The following AATK variants were observed in gnomAD, a reference collection of about 807,000 sequenced individuals.
The protein encoded by AATK is lemur tail kinase 1.
AATK carries 91 observed loss-of-function variants against 114.3 expected under a neutral mutation model. The observed-to-expected ratio is 0.80, with a 90% CI of 0.67 to 0.95. The LOEUF (loss-of-function observed/expected upper bound fraction) is 0.95. AATK is among the 40% of genes least tolerant of loss of function. The pLI is 0.00. For synonymous variants in AATK, 1,075 were observed against 916.5 expected (o/e 1.17, Z -3.12); for missense variants, 2,176 against 1,965.2 (o/e 1.11, Z -2.03).
rs1384117604 is a variant in AATK, at chr17:81,146,202, AAAG to A, written c.56-11704_56-11702del. Among the ~76,000 whole-genome samples the A allele has an allele frequency of 3.3e-5, 5 of 151,240 alleles. No homozygotes were observed. In the East Asian group the frequency reaches 9.8e-4, roughly 29 times the overall value. The stretch of plus-strand genomic sequence containing the variant: ...AGACTCCATATTAAAAAAAAAAAAA[AAAG>A]AAAAAATTAGCTGGGCGTGGTGATG... On this transcript the variant is annotated intron_variant, in intron 1 of 13. Coordinates refer to ENST00000326724, the MANE Select transcript of AATK (RefSeq NM_001080395.3).
intron 1 of AATK, among the ~76,000 whole-genome samples, chr17:81,139,163 C>G (rs1017120181): frequency 1.6e-4 from 24 of 152,208 alleles, no homozygotes; most frequent in Admixed American, 7.9e-4. Context: ...TTTACAAGTA[C>G]GAAAACTGAG....
chr17:81,153,070 G>C (rs1187167259), intron 1 of AATK, among the ~76,000 whole-genome samples: 1 of 152,116 alleles, frequency 6.6e-6, no homozygotes, highest in African/African-American at 2.4e-5. Context: ...TTGAACTCCC[G>C]ACCTCAGGTG....
chr17:81,122,515 C>T lies in AATK; in HGVS notation c.1421G>A (p.Gly474Asp), dbSNP rs1198511086. 2.7e-6 allele frequency: 4 copies of T among 1,479,378 alleles called. No homozygotes were observed. The highest frequency in any genetic ancestry group is 3.6e-6 in the Non-Finnish European group (4 of 1,110,944). 91.6% of individuals were successfully genotyped at this position (1,479,378 alleles called of 1,614,324 possible). A position where few individuals can be genotyped will look rare whatever the true frequency, so the allele number is the denominator to read the frequency against. Residue 474 changes from glycine to aspartate, a missense_variant, in exon 11 of 14, where the codon GGC (glycine) becomes GAC (aspartate). Transcript: ENST00000326724. ...CTCCCACTTGTACTCAAAATTGAGG[C>T]CTCGGCTGGTCTCGGTCACCGTCAG... ...DVLTVTETSRGLNFEYKWEAG... is the reference protein window; with the variant it reads ...DVLTVTETSRDLNFEYKWEAG...
At chr17:81,128,788 T>C (rs1416758855) in intron 3 of AATK, 2 of 1,320,382 alleles carry the variant, frequency 1.5e-6, no homozygotes, top group East Asian at 6.6e-5. Context: ...TCTGGGTAGG[T>C]CTGGAGAAGG....
intron 1 of AATK, among the ~76,000 whole-genome samples, chr17:81,137,288 C>T (rs2061025740): frequency 6.6e-6 from 1 of 151,978 alleles, no homozygotes. Flanking sequence ...TTACTACCAC[C>T]CCACTTTGCA....
chr17:81,123,646 C>G (rs929828387), intron 9 of AATK, among the ~76,000 whole-genome samples: 2 of 144,408 alleles, frequency 1.4e-5, no homozygotes, highest in Admixed American at 7.0e-5. Flanking sequence ...AGACACTGCC[C>G]GGTGTGGGAG....
chr17:81,121,694 G>A lies in AATK; in HGVS notation c.2242C>T (p.Leu748=), dbSNP rs2060701529. 1.3e-6 allele frequency: 2 copies of A among 1,498,410 alleles called. No individual in the cohort carries two copies. The highest frequency in any genetic ancestry group is 1.8e-6 in the Non-Finnish European group (2 of 1,127,736). 92.8% of individuals were successfully genotyped at this position (1,498,410 alleles called of 1,614,324 possible). A position where few individuals can be genotyped will look rare whatever the true frequency, so the allele number is the denominator to read the frequency against. Residue 748 remains leucine, a synonymous_variant, in exon 11 of 14, where the codon CTA becomes TTA. Coordinates refer to ENST00000326724, the MANE Select transcript of AATK (RefSeq NM_001080395.3). The part of the protein sequence containing the change: ...EPGCCPGLPH[L]CSAQGLAPAP... ...GGTGCCAGGCCCTGGGCAGAGCATA[G>A]ATGAGGGAGGCCGGGGCAGCAGCCT...
chr17:81,156,926 G>A (rs1404482979), intron 1 of AATK, among the ~76,000 whole-genome samples: 6 of 52,380 alleles, frequency 1.1e-4, no homozygotes. Context: ...GCAGGGCCCT[G>A]GGCGGGGTAC....
intron 4 of AATK, 97 bp downstream of exon 4, chr17:81,128,373 G>T (rs751888107): frequency 1.3e-5 from 19 of 1,417,136 alleles, no homozygotes; most frequent in Non-Finnish European, 1.8e-5. Context: ...AGAAGGGACC[G>T]TCGGGGCTGG....
chr17:81,124,900 G>GC, intron 8 of AATK, 30 bp downstream of exon 8: 10 of 1,548,262 alleles, frequency 6.5e-6, no homozygotes, highest in African/African-American at 1.4e-5. Context: ...TGCCCCTCAT[G>GC]CCCAGCCCAG....
At position 81,145,072 on chromosome 17, in the gene AATK, A is replaced by T. The variant is rs567644984; in HGVS notation, c.56-10571T>A. On this transcript the variant is annotated intron_variant, in intron 1 of 13. Coordinates refer to ENST00000326724, the MANE Select transcript of AATK (RefSeq NM_001080395.3). The stretch of plus-strand genomic sequence containing the variant: ...ACATGGTGAAACTCCGCCTCTACTA[A>T]AAACACACAAATTAGCCAGGTGTGG... 4.9e-4 allele frequency among the ~76,000 whole-genome samples: 75 copies of T among 152,214 alleles called. 1 individual carries two copies. The highest frequency in any genetic ancestry group is 1.5e-3 in the African/African-American group (61 of 41,542).
In AATK at chr17:81,134,398, C is replaced by T; in HGVS notation, c.159G>A (p.Leu53=). The T allele has an allele frequency of 1.9e-6, 3 of 1,613,304 alleles. No homozygotes were observed. Among genetic ancestry groups the T allele is most frequent in the South Asian group, 1.1e-5 (1 of 91,076 alleles). ...ACCCGATACCGCCCTTCTTACAGCA[C>T]AGGCAGGCCAGCATGAGGACGATGA... ...FAVIVLMLAC[L]CCKKGGIGFK... The change falls in exon 2 of 14, where the codon CTG becomes CTA. Residue 53 remains leucine (L), a synonymous_variant. Transcript: ENST00000326724.
intron 1 of AATK, among the ~76,000 whole-genome samples, chr17:81,158,653 C>T (rs2061395310): frequency 1.3e-5 from 2 of 152,178 alleles, no homozygotes; most frequent in African/African-American, 2.4e-5. Flanking sequence ...TACAAACCAC[C>T]AAAAAATACC....
chr17:81,141,953 T>TTCCTTCCTTTCC (rs1555597586), intron 1 of AATK, among the ~76,000 whole-genome samples: 18 of 126,142 alleles, frequency 1.4e-4, no homozygotes, highest in Admixed American at 3.7e-4. Flanking sequence ...CCTTCCTTCC[T>TTCCTTCCTTTCC]TTCCTTCCTT....
At position 81,118,169 on chromosome 17, in the gene AATK, A is replaced by C; in HGVS notation, c.*233T>G. 1.8e-6 allele frequency: 1 copy of C among 558,042 alleles called. No individual in the cohort carries two copies. Among genetic ancestry groups the C allele is most frequent in the South Asian group, 2.3e-5 (1 of 44,132 alleles). 34.6% of individuals were successfully genotyped at this position (558,042 alleles called of 1,614,324 possible). On this transcript the variant is annotated 3_prime_UTR_variant, in exon 14 of 14. Coordinates refer to ENST00000326724, the MANE Select transcript of AATK (RefSeq NM_001080395.3). ...GCTCCAGGCGCCCCCAGGGGCTAGC[A>C]GCAAGCCTAAAAGCCCAGACGAATT...
intron 2 of AATK, chr17:81,132,776 G>A (rs763645528): frequency 1.8e-5 from 4 of 224,150 alleles, no homozygotes; most frequent in South Asian, 1.7e-4. Context: ...GGAGCCCAGC[G>A]CAGGTCCCCA....
chr17:81,135,669 G>A (rs2060998602), intron 1 of AATK: 1 of 152,310 alleles, frequency 6.6e-6, no homozygotes, highest in Non-Finnish European at 1.5e-5. Flanking sequence ...GCTCTGCCAG[G>A]GCTGCAGGCT....
chr17:81,134,146 A>C (rs536599056), intron 2 of AATK, among the ~76,000 whole-genome samples: 20 of 152,128 alleles, frequency 1.3e-4, no homozygotes, highest in Non-Finnish European at 2.6e-4. Flanking sequence ...CACGCCCCCC[A>C]CAGAGGGCCT....
chr17:81,121,738 G>T lies in AATK; in HGVS notation c.2198C>A (p.Ala733Glu), dbSNP rs750628893. ...YPGEPLLGLQ[A>E]ASAQEPGCCP... Reference sequence around the variant, plus strand: ...GCAGCCTGGCTCCTGGGCAGAGGCTGCCTGGAGCCCAAGCAGAGGCTCTCC... The same window carrying T: ...GCAGCCTGGCTCCTGGGCAGAGGCTTCCTGGAGCCCAAGCAGAGGCTCTCC... The change falls in exon 11 of 14, where the codon GCA (alanine) becomes GAA (glutamate). Residue 733 changes from alanine (A) to glutamate (E), a missense_variant. Ala to Glu is a moderately radical substitution (Grantham distance 107, BLOSUM62 -1). Coordinates refer to ENST00000326724, the MANE Select transcript of AATK (RefSeq NM_001080395.3). 1.1e-5 allele frequency: 17 copies of T among 1,501,328 alleles called. No individual in the cohort carries two copies. In the African/African-American group the frequency reaches 2.1e-4, roughly 18 times the overall value. The allele number at this position is 1,501,328 out of a possible 1,614,324, so 93.0% of individuals were successfully genotyped here.
Sources: gnomAD v4.1 joint callset for allele counts (sites outside exome capture counted in the v4.1 genomes callset) on GRCh38, gnomAD v4.1.1 for gene constraint, MANE v1.5 for transcripts, NCBI Gene and HGNC (gene_info 2026-07-23, HGNC 2026-07-21) for gene names.